The following CLEC12A variants were observed in gnomAD, a reference collection of about 807,000 sequenced individuals.
CLEC12A encodes the protein C-type lectin domain family 12 member A.
CLEC12A carries 22 observed loss-of-function variants against 26.5 expected under a neutral mutation model. The observed-to-expected ratio is 0.83, with a 90% CI of 0.59 to 1.19. The LOEUF is 1.19. CLEC12A is among the 50% of genes most tolerant of loss of function. CLEC12A has a pLI of 0.00. For synonymous variants in CLEC12A, 119 were observed against 101.9 expected (o/e 1.17, Z -1.01); for missense variants, 353 against 315.6 (o/e 1.12, Z -0.90).
rs1178913299 is a variant in CLEC12A, at chr12:9,982,098, A to G, written c.610A>G (p.Arg204Gly). 1 of 1,585,772 alleles carries G rather than the reference A, an allele frequency of 6.3e-7. No individual in the cohort carries two copies. Among genetic ancestry groups the G allele is most frequent in the South Asian group, 1.1e-5 (1 of 90,362 alleles). ...SPEEDSTRGM[R>G]VDNIINSSAW... ...TGAAGAAGATTCCACTCGTGGTATG[A>G]GAGTGGATAATATAATCAACTCCTC... Residue 204 changes from arginine (R) to glycine (G), a missense_variant, in exon 5 of 6, where the codon AGA becomes GGA. Arg to Gly is a moderately radical substitution (Grantham distance 125). Coordinates refer to ENST00000304361, the MANE Select transcript of CLEC12A (RefSeq NM_138337.6).
exon 5 of CLEC12A, chr12:9,995,170 CACTTCCAGACCTCATTCG>C: frequency 6.2e-7 from 1 of 1,613,080 alleles, no homozygotes; most frequent in African/African-American, 1.3e-5. Context: ...GCCATCCTCC[CACTTCCAGACCTCATTCG>C]ACTTCTGGCG....
chr12:9,973,252 G>T (rs750398590), intron 1 of CLEC12A, among the ~76,000 whole-genome samples: 3 of 152,092 alleles, frequency 2.0e-5, no homozygotes, highest in Non-Finnish European at 4.4e-5. Flanking sequence ...TTTGAGGCCA[G>T]AAGTTTGAGA....
At chr12:9,965,427 G>A (rs632086) in intron 1 of CLEC12A, among the ~76,000 whole-genome samples, 79,030 of 150,884 alleles carry the variant, frequency 0.52, 22,167 homozygotes, top group Middle Eastern at 0.64. Context: ...AATGGGGGCT[G>A]TCTGTGAAGC....
chr12:9,988,510 A>G (rs1864821544), downstream of CLEC12A, among the ~76,000 whole-genome samples: 2 of 152,208 alleles, frequency 1.3e-5, no homozygotes, highest in Non-Finnish European at 2.9e-5. Context: ...ACTCAAACAA[A>G]TTTACAAGAA....
chr12:9,971,001 G>T (rs929882346), upstream of CLEC12A, among the ~76,000 whole-genome samples: 1 of 152,068 alleles, frequency 6.6e-6, no homozygotes, highest in African/African-American at 2.4e-5. Flanking sequence ...ATGTAACATG[G>T]CAACGGAATG....
At chr12:9,998,275 C>A, downstream of CLEC12A, 4 of 1,612,100 alleles carry the variant, frequency 2.5e-6, no homozygotes, top group Non-Finnish European at 3.4e-6. Flanking sequence ...GCAGAGTCAA[C>A]ACTTACACCA....
At chr12:9,972,800 AAAG>A (rs747843050) in intron 1 of CLEC12A, among the ~76,000 whole-genome samples, 23 of 152,116 alleles carry the variant, frequency 1.5e-4, no homozygotes, top group Non-Finnish European at 2.6e-4. Context: ...TTTTTTTTAG[AAAG>A]AAGAAGGGTT....
In CLEC12A at chr12:9,982,130, G is replaced by C. The variant is rs746049291; in HGVS notation, c.641+1G>C. ...ATAATATAATCAACTCCTCTGCCTG[G>C]TAAGTGTCTATTCTTGTTAGAATTT... On this transcript the variant is annotated splice_donor_variant, in intron 5 of 5. Transcript: ENST00000304361. LOFTEE classifies it high-confidence loss of function. 9.5e-6 allele frequency: 14 copies of C among 1,477,730 alleles called. No individual in the cohort carries two copies. In the East Asian group the frequency reaches 2.0e-4, roughly 22 times the overall value. 91.5% of individuals were successfully genotyped at this position (1,477,730 alleles called of 1,614,324 possible).
At chr12:9,955,095 C>T (rs889420025) in intron 1 of CLEC12A, among the ~76,000 whole-genome samples, 1 of 152,048 alleles carries the variant, frequency 6.6e-6, no homozygotes, top group African/African-American at 2.4e-5. Flanking sequence ...CTTTATGTTT[C>T]TTTTTTTTAA....
chr12:10,003,369 G>A, the CLEC12A span, among the ~76,000 whole-genome samples: 1 of 152,128 alleles, frequency 6.6e-6, no homozygotes, highest in Admixed American at 6.5e-5. Flanking sequence ...GTTACAAACA[G>A]TAGGGAAACT....
chr12:10,001,920 T>C, the CLEC12A span, among the ~76,000 whole-genome samples: 10 of 148,960 alleles, frequency 6.7e-5, no homozygotes, highest in East Asian at 4.0e-4. Context: ...TGCTCTGTCG[T>C]CCAGGCTGGA....
At chr12:9,963,085 G>A (rs181430894) in intron 1 of CLEC12A, among the ~76,000 whole-genome samples, 17 of 152,228 alleles carry the variant, frequency 1.1e-4, no homozygotes, top group Admixed American at 9.2e-4. Context: ...AGAATTATTC[G>A]TGATGGCCTG....
chr12:9,982,125 G>A lies in CLEC12A; in HGVS notation c.637G>A (p.Ala213Thr), dbSNP rs572445636. 4.0e-6 allele frequency: 6 copies of A among 1,515,542 alleles called. No individual in the cohort carries two copies. The Admixed American group carries it at 5.0e-5, about 13-fold the overall frequency. 93.9% of individuals were successfully genotyped at this position (1,515,542 alleles called of 1,614,324 possible). Residue 213 changes from alanine to threonine, a missense_variant, in exon 5 of 6, where the codon GCC becomes ACC. Transcript: ENST00000304361. ...AGTGGATAATATAATCAACTCCTCT[G>A]CCTGGTAAGTGTCTATTCTTGTTAG... The part of the protein sequence containing the change: ...MRVDNIINSS[A>T]WVIRNAPDLN...
chr12:9,996,708 A>G, downstream of CLEC12A: 3 of 842,482 alleles, frequency 3.6e-6, no homozygotes, highest in South Asian at 1.4e-5. Flanking sequence ...TGTAATTCTT[A>G]CTAGGTTTCA....
At chr12:9,955,822 G>A (rs1414979864) in intron 1 of CLEC12A, among the ~76,000 whole-genome samples, 1 of 152,144 alleles carries the variant, frequency 6.6e-6, no homozygotes, top group Non-Finnish European at 1.5e-5. Context: ...GTCCCATCTC[G>A]AAAACCTGAA....
downstream of CLEC12A, among the ~76,000 whole-genome samples, chr12:9,986,346 A>G (rs1036341735): frequency 1.5e-4 from 4 of 25,890 alleles, no homozygotes; most frequent in African/African-American, 3.4e-4. Context: ...TCTCCACTGA[A>G]AAAAAAAAAA....
intron 5 of CLEC12A, among the ~76,000 whole-genome samples, chr12:9,982,505 A>T (rs1366479636): frequency 6.6e-6 from 1 of 152,144 alleles, no homozygotes; most frequent in Non-Finnish European, 1.5e-5. Flanking sequence ...CATCAATTTT[A>T]TGTGCAGACT....
At chr12:9,997,208 G>A (rs188723247), downstream of CLEC12A, 60 of 1,613,872 alleles carry the variant, frequency 3.7e-5, no homozygotes, top group Admixed American at 3.3e-5. Context: ...TGACAGAAGC[G>A]CTTTGCTAAT....
At chr12:10,000,025 A>G (rs565775179), downstream of CLEC12A, among the ~76,000 whole-genome samples, 103 of 152,356 alleles carry the variant, frequency 6.8e-4, no homozygotes, top group Middle Eastern at 0.014. Context: ...ATACAAAGCT[A>G]GCTGATGCAT....
Sources: gnomAD v4.1 joint callset for allele counts (sites outside exome capture counted in the v4.1 genomes callset) on GRCh38, gnomAD v4.1.1 for gene constraint, MANE v1.5 for transcripts, NCBI Gene and HGNC (gene_info 2026-07-23, HGNC 2026-07-21) for gene names.